The following ATP9B variants were observed in gnomAD, a reference collection of about 807,000 sequenced individuals.
The protein encoded by ATP9B is ATPase phospholipid transporting 9B, also known as probable phospholipid-transporting ATPase IIB.
Under a neutral mutation model 146.1 loss-of-function variants are expected in ATP9B, and 110 were observed. The observed-to-expected ratio is 0.75, with a 90% confidence interval of 0.65 to 0.88. The LOEUF is 0.88. Ranked by LOEUF, ATP9B falls within the 40% of genes least tolerant of loss-of-function variation. The pLI, the probability that ATP9B is intolerant of heterozygous loss-of-function variation, is 0.00. For synonymous variants in ATP9B, 604 were observed against 569.7 expected, an observed-to-expected ratio of 1.06 and a Z score of -0.86; for missense variants, 1,499 against 1,496.4, an observed-to-expected ratio of 1.00 and a Z score of -0.03.
chr18:79,342,203 G>A (rs1376039430), intron 19 of ATP9B, 65 bp from the exon 20 acceptor site: 1 of 1,290,688 alleles, frequency 7.7e-7, no homozygotes, highest in South Asian at 1.2e-5. Flanking sequence ...TGTGAATTAT[G>A]TGAGACATCA....
intron 4 of ATP9B, among the ~76,000 whole-genome samples, chr18:79,119,771 A>G (rs1257099424): frequency 6.6e-6 from 1 of 152,198 alleles, no homozygotes; most frequent in Non-Finnish European, 1.5e-5. Flanking sequence ...CTTTCAGATA[A>G]CAAATGATGA....
chr18:79,201,759 G>A (rs1208961522), intron 9 of ATP9B, among the ~76,000 whole-genome samples: 3 of 152,000 alleles, frequency 2.0e-5, no homozygotes, highest in South Asian at 2.1e-4. Context: ...TAGTAGAGAC[G>A]GGGTTTCACC....
At chr18:79,167,747 T>TGGGAC (rs2094996020) in intron 7 of ATP9B, among the ~76,000 whole-genome samples, 1 of 152,206 alleles carries the variant, frequency 6.6e-6, no homozygotes, top group Non-Finnish European at 1.5e-5. Flanking sequence ...AAGTCCTCAC[T>TGGGAC]TCCGGCAGTG....
intron 8 of ATP9B, among the ~76,000 whole-genome samples, chr18:79,192,119 C>T (rs1007049550): frequency 3.9e-5 from 6 of 152,062 alleles, no homozygotes; most frequent in Admixed American, 2.6e-4. Context: ...TACACAGATT[C>T]GGCCCCTTCT....
chr18:79,329,187 GC>G lies in ATP9B; in HGVS notation c.1821del (p.Ser607ArgfsTer9). On this transcript the variant is annotated frameshift_variant, in exon 16 of 30. Coordinates refer to ENST00000426216, the MANE Select transcript of ATP9B (RefSeq NM_198531.5). LOFTEE classifies it high-confidence loss of function. ...GAGAGTGTGGGCCTCACGCTGGTCAGCAGGGACCTCACCTCCATGCAGCTGA... is the reference window on the plus strand; with the variant it reads ...GAGAGTGTGGGCCTCACGCTGGTCAGAGGGACCTCACCTCCATGCAGCTGA... ...WTESVGLTLV[S>X]RDLTSMQLKT... 6.2e-7 allele frequency: 1 copy of G among 1,611,664 alleles called. No individual in the cohort carries two copies. Among genetic ancestry groups the G allele is most frequent in the South Asian group, 1.1e-5 (1 of 90,716 alleles).
chr18:79,073,493 C>T (rs962133182), intron 1 of ATP9B, among the ~76,000 whole-genome samples: 8 of 152,182 alleles, frequency 5.3e-5, no homozygotes, highest in African/African-American at 1.4e-4. Context: ...TCAGGCGTGG[C>T]GGCGCGCGCC....
chr18:79,138,216 TAGC>T (rs1285041951), intron 5 of ATP9B, among the ~76,000 whole-genome samples: 2 of 152,230 alleles, frequency 1.3e-5, no homozygotes, highest in African/African-American at 4.8e-5. Context: ...AGCTAGAAGA[TAGC>T]AGTAATTTTG....
intron 11 of ATP9B, among the ~76,000 whole-genome samples, chr18:79,244,376 C>T (rs536026044): frequency 6.6e-6 from 1 of 152,296 alleles, no homozygotes; most frequent in Admixed American, 6.5e-5. Context: ...TTCCAAGGTA[C>T]TTACTGGAAT....
intron 26 of ATP9B, chr18:79,360,754 A>G (rs1352334277): frequency 6.6e-6 from 1 of 152,260 alleles, no homozygotes; most frequent in Non-Finnish European, 1.5e-5. Flanking sequence ...CACCAGTATC[A>G]CATGAAATAT....
intron 15 of ATP9B, among the ~76,000 whole-genome samples, chr18:79,316,140 G>C (rs2096678428): frequency 2.6e-5 from 4 of 152,132 alleles, no homozygotes; most frequent in Admixed American, 2.0e-4. Context: ...ATTGAATACG[G>C]ACACAATCGC....
intron 11 of ATP9B, among the ~76,000 whole-genome samples, chr18:79,229,889 A>G (rs2095773508): frequency 6.6e-6 from 1 of 152,244 alleles, no homozygotes; most frequent in Non-Finnish European, 1.5e-5. Flanking sequence ...ATTTCATTTA[A>G]TATACACTTT....
intron 1 of ATP9B, 104 bp from the exon 2 acceptor site, chr18:79,096,371 CT>C (rs2074781332): frequency 2.8e-6 from 3 of 1,079,270 alleles, no homozygotes; most frequent in Non-Finnish European, 4.0e-6. Context: ...AATGCTTTCC[CT>C]CAGCTGAAGA....
intron 11 of ATP9B, among the ~76,000 whole-genome samples, chr18:79,216,637 C>T (rs543529416): frequency 6.6e-4 from 101 of 152,280 alleles, no homozygotes; most frequent in African/African-American, 2.1e-3. Flanking sequence ...TGTCAGCTAC[C>T]ACGTGGCCTA....
chr18:79,136,721 TTG>T (rs1485676966), intron 5 of ATP9B, among the ~76,000 whole-genome samples: 5 of 152,208 alleles, frequency 3.3e-5, no homozygotes, highest in Non-Finnish European at 7.3e-5. Context: ...GTCTATTCTA[TTG>T]TGTGTTAGTC....
intron 11 of ATP9B, among the ~76,000 whole-genome samples, chr18:79,221,889 G>GCC (rs2095682606): frequency 1.7e-4 from 8 of 46,560 alleles, no homozygotes; most frequent in African/African-American, 6.8e-4. Context: ...TTTTTTTTTT[G>GCC]CCTTTATTTT....
intron 7 of ATP9B, among the ~76,000 whole-genome samples, chr18:79,167,246 T>C (rs1233443818): frequency 6.6e-6 from 1 of 152,178 alleles, no homozygotes; most frequent in Admixed American, 6.5e-5. Context: ...ACCATTGAGC[T>C]GGTCTCAAGT....
At chr18:79,337,123 C>T (rs1021751583) in intron 18 of ATP9B, among the ~76,000 whole-genome samples, 156 bp from the exon 19 acceptor site, 1 of 149,618 alleles carries the variant, frequency 6.7e-6, no homozygotes, top group Non-Finnish European at 1.5e-5. Context: ...CCCCACAGCC[C>T]ATGCAGTCCA....
chr18:79,215,005 G>A (rs1187820118), intron 11 of ATP9B, among the ~76,000 whole-genome samples: 2 of 152,086 alleles, frequency 1.3e-5, no homozygotes, highest in East Asian at 1.9e-4. Context: ...AAAATTAGCT[G>A]GGCATGATGA....
At chr18:79,346,025 GCA>G (rs577377194) in intron 23 of ATP9B, among the ~76,000 whole-genome samples, 186 bp downstream of exon 23, 1 of 151,776 alleles carries the variant, frequency 6.6e-6, no homozygotes, top group Non-Finnish European at 1.5e-5. Context: ...CGTGCTCAGC[GCA>G]CAGTCAGCAC....
Sources: allele counts gnomAD v4.1 joint callset (sites outside exome capture counted in the v4.1 genomes callset), GRCh38; gene constraint gnomAD v4.1.1; transcripts MANE v1.5; gene names NCBI Gene and HGNC (gene_info 2026-07-23, HGNC 2026-07-21).